SFSWAP: variants seen among roughly 807,000 people sequenced by gnomAD.
SFSWAP encodes splicing factor SWAP, also known as splicing factor, suppressor of white-apricot homolog.
Under a neutral mutation model 100.7 loss-of-function variants are expected in SFSWAP, and 17 were observed. That is an observed-to-expected ratio of 0.17 (90% confidence interval 0.12 to 0.25). The LOEUF (loss-of-function observed/expected upper bound fraction) is 0.25, where lower values mean the gene tolerates loss of function less well. SFSWAP is among the 10% of genes least tolerant of loss of function. SFSWAP has a pLI of 1.00. For missense variants in SFSWAP, 1,005 were observed against 1,262.6 expected (o/e 0.80, Z 3.09); for synonymous variants, 504 against 510.1 (o/e 0.99, Z 0.16).
Position 131,753,245 on chromosome 12 carries a change from G to A in SFSWAP, c.1204G>A (p.Val402Met), listed in dbSNP as rs535153869. ...YYSTLPAGVTVSNSPGVTTTA... is the reference protein window; with the variant it reads ...YYSTLPAGVTMSNSPGVTTTA... ...CAGCACCCTTCCTGCTGGCGTGACC[G>A]TGTCTAACTCCCCTGGAGTGACGAC... Residue 402 changes from valine (V) to methionine (M), a missense_variant, in exon 8 of 18, where the codon GTG becomes ATG. Transcript: ENST00000261674. The A allele has an allele frequency of 5.5e-5, 88 of 1,614,184 alleles. No homozygotes were observed. Among genetic ancestry groups the A allele is most frequent in the Middle Eastern group, 1.6e-4 (1 of 6,062 alleles).
intron 13 of SFSWAP, among the ~76,000 whole-genome samples, chr12:131,767,986 A>G (rs1465848856): frequency 2.6e-5 from 4 of 152,282 alleles, no homozygotes; most frequent in African/African-American, 9.6e-5. Flanking sequence ...TCAAACCTTC[A>G]AAAAATTGGA....
In SFSWAP at chr12:131,740,606, C is replaced by T. The variant is rs922577904; in HGVS notation, c.1081+12178C>T. Among the ~76,000 whole-genome samples, 188 of 152,174 alleles carry T rather than the reference C, an allele frequency of 1.2e-3. 3 individuals carry two copies. Among genetic ancestry groups the T allele is most frequent in the Non-Finnish European group, 3.4e-4 (23 of 68,034 alleles). On this transcript the variant is annotated intron_variant, in intron 7 of 17. Transcript: ENST00000261674. ...TCTCTTGGTTCGGGTCACCTTTCTT[C>T]GAGCCTGTGCTCCCTGTGTTTCTCT... is the stretch of plus-strand genomic sequence containing the variant.
At chr12:131,750,942 G>A (rs2136220627) in intron 7 of SFSWAP, among the ~76,000 whole-genome samples, 1 of 152,306 alleles carries the variant, frequency 6.6e-6, no homozygotes, top group Admixed American at 6.5e-5. Flanking sequence ...CCAAAGTGCT[G>A]GGATTATAGG....
At chr12:131,740,178 T>C (rs1880466833) in intron 7 of SFSWAP, among the ~76,000 whole-genome samples, 2 of 152,280 alleles carry the variant, frequency 1.3e-5, no homozygotes, top group African/African-American at 4.8e-5. Context: ...GGTTTGTTCA[T>C]TGGTTGGTTT....
At position 131,719,754 on chromosome 12, in the gene SFSWAP, G is replaced by T. The variant is rs186140960; in HGVS notation, c.606+215G>T. Among the ~76,000 whole-genome samples, 238 of 152,262 alleles carry T rather than the reference G, an allele frequency of 1.6e-3. 2 individuals are homozygous for T. The highest frequency in any genetic ancestry group is 5.5e-3 in the African/African-American group (228 of 41,544). ...CAAAAGAGCTAGACTGGAGCATCAG[G>T]GACTTGAGGAGTTGGGTGTGATTCA... is the stretch of plus-strand genomic sequence containing the variant. On this transcript the variant is annotated intron_variant, in intron 4 of 17. Transcript: ENST00000261674.
At chr12:131,795,589 C>T (rs551489927) in intron 15 of SFSWAP, among the ~76,000 whole-genome samples, 55 of 152,172 alleles carry the variant, frequency 3.6e-4, no homozygotes, top group Admixed American at 6.5e-4. Context: ...TCCCAGATAT[C>T]GGGGGGTGGC....
chr12:131,772,518 TCTCGGCTGCCACTC>T (rs1178032314), intron 13 of SFSWAP, among the ~76,000 whole-genome samples: 1 of 152,206 alleles, frequency 6.6e-6, no homozygotes, highest in African/African-American at 2.4e-5. Flanking sequence ...TGGCTCGTTT[TCTCGGCTGCCACTC>T]AATCCCTTAC....
chr12:131,794,091 C>T lies in SFSWAP; in HGVS notation c.2535-3087C>T, dbSNP rs1396966082. On this transcript the variant is annotated intron_variant, in intron 15 of 17. Transcript: ENST00000261674. This position sits in a 1 kb window ranked among gnomAD's most constrained non-coding sequence, Gnocchi z 4.8. ...CACTTTGATTCATAATTACCGAAAA[C>T]TGGAAACAACCAAATCTCTATTAAC... 6.6e-6 allele frequency among the ~76,000 whole-genome samples: 1 copy of T among 152,240 alleles called. No individual in the cohort carries two copies. The highest frequency in any genetic ancestry group is 1.5e-5 in the Non-Finnish European group (1 of 68,042).
intron 1 of SFSWAP, chr12:131,712,937 C>T (rs1877520530): frequency 6.6e-6 from 1 of 152,166 alleles, no homozygotes; most frequent in Non-Finnish European, 1.5e-5. Flanking sequence ...CGCACATGTA[C>T]ATGTATAATA....
intron 7 of SFSWAP, among the ~76,000 whole-genome samples, chr12:131,741,888 G>A (rs764135909): frequency 1.4e-4 from 22 of 152,040 alleles, no homozygotes; most frequent in Non-Finnish European, 2.4e-4. Context: ...ACTTCCCTCC[G>A]CTGCTTTTCC....
chr12:131,726,233 CGCTCTTGTCGCCCAG>C (rs1265022283), intron 5 of SFSWAP, among the ~76,000 whole-genome samples: 6 of 151,858 alleles, frequency 4.0e-5, no homozygotes, highest in Non-Finnish European at 8.8e-5. Context: ...GACAGAGTCT[CGCTCTTGTCGCCCAG>C]GCTGGAGTGC....
chr12:131,729,715 A>C (rs530673625), intron 7 of SFSWAP, among the ~76,000 whole-genome samples: 1 of 152,316 alleles, frequency 6.6e-6, no homozygotes, highest in African/African-American at 2.4e-5. Flanking sequence ...ATATGGAATG[A>C]GGAAGCTTTA....
chr12:131,727,725 T>C (rs1290082342), intron 6 of SFSWAP, among the ~76,000 whole-genome samples: 1 of 152,236 alleles, frequency 6.6e-6, no homozygotes, highest in African/African-American at 2.4e-5. Context: ...TCGAGTCCTA[T>C]GTTACCATCA....
chr12:131,724,530 C>A (rs1244213479), intron 4 of SFSWAP, among the ~76,000 whole-genome samples: 1 of 152,240 alleles, frequency 6.6e-6, no homozygotes, highest in Non-Finnish European at 1.5e-5. Flanking sequence ...GCCCTGAATT[C>A]TTAACCATCC....
At chr12:131,757,021 T>C (rs1006661441) in intron 11 of SFSWAP, 2 of 175,064 alleles carry the variant, frequency 1.1e-5, no homozygotes, top group Non-Finnish European at 2.4e-5. Flanking sequence ...TGAGAATCTC[T>C]ACCAGGCAAT....
chr12:131,719,555 G>A lies in SFSWAP; in HGVS notation c.606+16G>A. On this transcript the variant is annotated intron_variant, in intron 4 of 17. Coordinates refer to ENST00000261674, the MANE Select transcript of SFSWAP (RefSeq NM_004592.4). ...CGTGGAGTTGGTATGTGTCCTGCATGAGCACTAGTTGTCGTCATTATTATT... is the reference window on the plus strand; with the variant it reads ...CGTGGAGTTGGTATGTGTCCTGCATAAGCACTAGTTGTCGTCATTATTATT... 1 of 1,578,360 alleles carries A rather than the reference G, an allele frequency of 6.3e-7. No individual in the cohort carries two copies. The highest frequency in any genetic ancestry group is 8.7e-7 in the Non-Finnish European group (1 of 1,147,452).
At chr12:131,798,644 C>G (rs1434003822) in intron 16 of SFSWAP, among the ~76,000 whole-genome samples, 2 of 152,236 alleles carry the variant, frequency 1.3e-5, no homozygotes, top group Non-Finnish European at 2.9e-5. Context: ...AATCCCAGCA[C>G]TTTGGGAGGC....
chr12:131,712,317 A>T (rs1340949797), intron 1 of SFSWAP: 1 of 152,240 alleles, frequency 6.6e-6, no homozygotes, highest in African/African-American at 2.4e-5. Flanking sequence ...GGATAACATT[A>T]CATGATGTAG....
At chr12:131,728,644 G>A (rs1242639962) in intron 7 of SFSWAP, among the ~76,000 whole-genome samples, 2 of 152,020 alleles carry the variant, frequency 1.3e-5, no homozygotes, top group Admixed American at 6.5e-5. Context: ...AGCATTAGCT[G>A]TGCATTCCAG....
Sources: allele counts gnomAD v4.1 joint callset (sites outside exome capture counted in the v4.1 genomes callset), GRCh38; gene constraint gnomAD v4.1.1; non-coding constraint Gnocchi (gnomAD v3.1); transcripts MANE v1.5; gene names NCBI Gene and HGNC (gene_info 2026-07-23, HGNC 2026-07-21).